Variants in UBAP2 observed in about 807,000 individuals in gnomAD.
UBAP2 encodes the protein ubiquitin-associated protein 2.
A neutral mutation model predicts 139.6 loss-of-function variants in UBAP2; 75 were observed. That is an observed-to-expected ratio of 0.54 (90% CI 0.45 to 0.65). The LOEUF (loss-of-function observed/expected upper bound fraction) is 0.65, where lower values mean the gene tolerates loss of function less well. Ranked by LOEUF, UBAP2 falls within the 30% of genes least tolerant of loss-of-function variation. UBAP2 has a pLI of 0.00. For synonymous variants in UBAP2, 526 were observed against 526.2 expected (o/e 1.00, Z 0.01); for missense variants, 1,368 against 1,369.6 (o/e 1.00, Z 0.02).
At chr9:33,993,499 T>TA (rs1821889184) in intron 4 of UBAP2, among the ~76,000 whole-genome samples, 1 of 152,048 alleles carries the variant, frequency 6.6e-6, no homozygotes, top group Admixed American at 6.6e-5. Context: ...AGAGACCCCC[T>TA]AACTCTACAA....
At chr9:34,023,909 T>G (rs1174901323) in intron 1 of UBAP2, among the ~76,000 whole-genome samples, 1 of 151,992 alleles carries the variant, frequency 6.6e-6, no homozygotes, top group Admixed American at 6.6e-5. Context: ...CCGGGCATGG[T>G]GGCACGCACC....
chr9:33,950,144 C>A lies in UBAP2; in HGVS notation c.1057-1557G>T, dbSNP rs112133922. Among the ~76,000 whole-genome samples the A allele has an allele frequency of 4.8e-3, 728 of 152,266 alleles. 9 individuals carry two copies. Among genetic ancestry groups the A allele is most frequent in the African/African-American group, 0.017 (687 of 41,558 alleles). ...GCAGTGGCGCGATCTCGGCTCACTG[C>A]AAGCTCCGCCTCCCAGGTTCACTCC... On this transcript the variant is annotated intron_variant, in intron 12 of 28. Transcript: ENST00000379238.
At chr9:33,968,453 G>T in intron 8 of UBAP2, 1 of 556,986 alleles carries the variant, frequency 1.8e-6, no homozygotes, top group Non-Finnish European at 3.6e-6. Flanking sequence ...GTGCAGCCTG[G>T]TCGGCTTCTT....
chr9:34,024,149 G>A (rs1027263041), intron 1 of UBAP2, among the ~76,000 whole-genome samples: 2 of 151,762 alleles, frequency 1.3e-5, no homozygotes, highest in East Asian at 3.9e-4. Context: ...ACCTGAGGTC[G>A]GGAGTTCAAG....
intron 6 of UBAP2, among the ~76,000 whole-genome samples, chr9:33,976,605 T>C (rs541762105): frequency 2.0e-5 from 3 of 152,334 alleles, no homozygotes; most frequent in African/African-American, 7.2e-5. Flanking sequence ...CTAAAATTGA[T>C]TGTGGTGATG....
intron 13 of UBAP2, among the ~76,000 whole-genome samples, chr9:33,947,048 C>T (rs909683740): frequency 7.9e-5 from 12 of 152,178 alleles, no homozygotes; most frequent in Admixed American, 6.5e-5. Flanking sequence ...TTATGCTCAA[C>T]ATCTGCTTTC....
At chr9:33,957,134 A>T (rs1275510065) in intron 10 of UBAP2, among the ~76,000 whole-genome samples, 3 of 152,144 alleles carry the variant, frequency 2.0e-5, no homozygotes, top group African/African-American at 7.2e-5. Context: ...TAAAGGTGAA[A>T]TAATCGATGT....
At chr9:34,023,692 G>A (rs890405699) in intron 1 of UBAP2, among the ~76,000 whole-genome samples, 12 of 152,132 alleles carry the variant, frequency 7.9e-5, no homozygotes, top group Non-Finnish European at 1.2e-4. Context: ...TCTTAATTAA[G>A]GTTTACTGCT....
intron 12 of UBAP2, chr9:33,948,864 T>C (rs1825859079): frequency 5.8e-6 from 2 of 347,820 alleles, no homozygotes; most frequent in Non-Finnish European, 1.1e-5. Context: ...AAAAACGTGA[T>C]GTTGGCCGGG....
At chr9:34,021,556 C>T (rs1002619616) in intron 1 of UBAP2, among the ~76,000 whole-genome samples, 3 of 151,852 alleles carry the variant, frequency 2.0e-5, no homozygotes, top group Non-Finnish European at 2.9e-5. Flanking sequence ...TAAATGCATA[C>T]GAACACACTG....
At chr9:33,958,564 C>T (rs958298396) in intron 10 of UBAP2, among the ~76,000 whole-genome samples, 2 of 151,840 alleles carry the variant, frequency 1.3e-5, no homozygotes, top group Non-Finnish European at 2.9e-5. Context: ...CCCACCATCC[C>T]ACCTGGCTAA....
chr9:33,974,433 C>T (rs893989630), intron 6 of UBAP2, among the ~76,000 whole-genome samples: 2 of 151,896 alleles, frequency 1.3e-5, no homozygotes, highest in Admixed American at 6.6e-5. Flanking sequence ...CTTCAGCCTG[C>T]GAAGTTGAGG....
At chr9:34,039,281 C>T (rs1826813135) in intron 1 of UBAP2, among the ~76,000 whole-genome samples, 1 of 151,394 alleles carries the variant, frequency 6.6e-6, no homozygotes, top group Non-Finnish European at 1.5e-5. Context: ...GTGGGGGGGG[C>T]GCCTCTGCCC....
chr9:33,989,168 G>T (rs779125529), intron 4 of UBAP2, 42 bp from the exon 5 acceptor site: 4 of 1,543,840 alleles, frequency 2.6e-6, no homozygotes, highest in East Asian at 4.6e-5. Context: ...CATTCAAAGT[G>T]TGTACAATTA....
intron 16 of UBAP2, among the ~76,000 whole-genome samples, chr9:33,936,466 G>A (rs560861403): frequency 6.6e-6 from 1 of 151,952 alleles, no homozygotes; most frequent in African/African-American, 2.4e-5. Flanking sequence ...GCTAATGTTT[G>A]TATTTTTAGT....
At chr9:33,993,533 G>A (rs752322638) in intron 4 of UBAP2, among the ~76,000 whole-genome samples, 2 of 152,156 alleles carry the variant, frequency 1.3e-5, no homozygotes, top group Non-Finnish European at 2.9e-5. Flanking sequence ...TTAGCCAAGC[G>A]TAGTGGCATG....
At chr9:33,937,755 CAAAAAA>C (rs34776998) in intron 16 of UBAP2, among the ~76,000 whole-genome samples, 1 of 103,606 alleles carries the variant, frequency 9.7e-6, no homozygotes, top group African/African-American at 3.5e-5. Context: ...TTAAAAAATA[CAAAAAA>C]AAAAAAAAAA....
chr9:33,977,310 T>C (rs1162217740), intron 6 of UBAP2, among the ~76,000 whole-genome samples: 1 of 152,068 alleles, frequency 6.6e-6, no homozygotes, highest in Non-Finnish European at 1.5e-5. Context: ...GTGCTGGGAT[T>C]ACAGGCGTGA....
intron 2 of UBAP2, among the ~76,000 whole-genome samples, chr9:34,004,977 C>A (rs901015664): frequency 1.3e-5 from 2 of 150,926 alleles, no homozygotes; most frequent in African/African-American, 4.9e-5. Flanking sequence ...CCATTGAAAA[C>A]AACAGTCGGG....
Sources: allele counts gnomAD v4.1 joint callset (sites outside exome capture counted in the v4.1 genomes callset), GRCh38; gene constraint gnomAD v4.1.1; transcripts MANE v1.5; gene names NCBI Gene and HGNC (gene_info 2026-07-23, HGNC 2026-07-21).